CMC2: variants seen among roughly 807,000 people sequenced by gnomAD.
CMC2 encodes COX assembly mitochondrial protein 2 homolog.
A neutral mutation model predicts 7.5 loss-of-function variants in CMC2; 5 were observed. The ratio of observed to expected loss-of-function variants is 0.66; its 90% CI spans 0.35 to 1.40. The LOEUF is 1.40. Among genes scored for constraint, CMC2 ranks in the 40% most tolerant of loss-of-function variants. The pLI is 0.04. For synonymous variants in CMC2, 37 were observed against 31.4 expected (o/e 1.18, Z -0.60); for missense variants, 115 against 92.3 (o/e 1.25, Z -1.01).
chr16:80,987,769 C>G (rs902006470), intron 2 of CMC2, among the ~76,000 whole-genome samples: 2 of 152,192 alleles, frequency 1.3e-5, no homozygotes, highest in African/African-American at 4.8e-5. Flanking sequence ...CATTCCAGCA[C>G]AGACAGGGGT....
chr16:80,991,351 C>T (rs1967975214), intron 2 of CMC2, among the ~76,000 whole-genome samples: 1 of 152,022 alleles, frequency 6.6e-6, no homozygotes, highest in South Asian at 2.1e-4. Flanking sequence ...GCAGAGAAAC[C>T]TAGCCACGTG....
rs182197312 is a variant in CMC2, at chr16:80,966,752, G to A, written c.*9341C>T. 5 of 152,164 alleles carry A rather than the reference G, an allele frequency of 3.3e-5. No homozygotes were observed. In the East Asian group the frequency reaches 9.7e-4, roughly 29 times the overall value. 9.4% of individuals were successfully genotyped at this position (152,164 alleles called of 1,614,324 possible). On this transcript the variant is annotated 3_prime_UTR_variant, in exon 4 of 4. Transcript: ENST00000219400. ...TAAAATCAACTTGACATGTACTCGA[G>A]TTATTTGTTTCAGCTTGTTTTCAAG...
chr16:80,978,565 T>C (rs1409992057), intron 3 of CMC2: 1 of 350,412 alleles, frequency 2.9e-6, no homozygotes, highest in East Asian at 8.9e-5. Context: ...TATTAGTGTT[T>C]CTTTTCAAGA....
At chr16:80,993,726 T>C (rs893111383) in intron 2 of CMC2, among the ~76,000 whole-genome samples, 2 of 152,094 alleles carry the variant, frequency 1.3e-5, no homozygotes, top group African/African-American at 4.8e-5. Context: ...AGCTATGCCC[T>C]AAAAATATGT....
At chr16:80,984,997 C>T (rs1411286111) in intron 2 of CMC2, among the ~76,000 whole-genome samples, 1 of 152,110 alleles carries the variant, frequency 6.6e-6, no homozygotes, top group Non-Finnish European at 1.5e-5. Context: ...CCAAACCAAC[C>T]GAGTAACTGA....
intron 2 of CMC2, among the ~76,000 whole-genome samples, chr16:80,988,325 A>T (rs1057449882): frequency 1.3e-5 from 2 of 152,206 alleles, no homozygotes; most frequent in African/African-American, 4.8e-5. Flanking sequence ...GAGTGACATC[A>T]TAGCTCACTA....
chr16:80,984,282 T>C (rs1229595613), intron 2 of CMC2, among the ~76,000 whole-genome samples: 1 of 151,534 alleles, frequency 6.6e-6, no homozygotes, highest in Non-Finnish European at 1.5e-5. Context: ...ATCTGTTTTA[T>C]AATGACAGGT....
intron 1 of CMC2, among the ~76,000 whole-genome samples, chr16:81,006,027 G>A (rs890961445): frequency 1.3e-5 from 2 of 152,174 alleles, no homozygotes; most frequent in African/African-American, 4.8e-5. Flanking sequence ...ATATAAAGGA[G>A]AGGAGATACG....
intron 1 of CMC2, among the ~76,000 whole-genome samples, chr16:80,999,167 T>C (rs1176398130): frequency 4.6e-5 from 7 of 152,206 alleles, no homozygotes; most frequent in Admixed American, 3.3e-4. Flanking sequence ...ACTGACGATA[T>C]GATTCTATAC....
At chr16:80,996,710 G>A (rs1264103925) in intron 2 of CMC2, among the ~76,000 whole-genome samples, 2 of 152,072 alleles carry the variant, frequency 1.3e-5, no homozygotes, top group Admixed American at 6.5e-5. Flanking sequence ...TTGTAACAAC[G>A]GTGTCATATA....
At chr16:80,992,820 T>G (rs1968112709) in intron 2 of CMC2, among the ~76,000 whole-genome samples, 2 of 151,444 alleles carry the variant, frequency 1.3e-5, no homozygotes, top group Admixed American at 6.6e-5. Flanking sequence ...ACCTTCCAAG[T>G]AGCTAGGACT....
chr16:80,997,454 T>C lies in CMC2; in HGVS notation c.-35-25A>G. ...CCTGTGGATACAAGAGTGTCTTGAA[T>C]ATGCATAAACACATTTGTTACGCCA... is the stretch of plus-strand genomic sequence containing the variant. On this transcript the variant is annotated intron_variant, in intron 1 of 3. Transcript: ENST00000219400. 2.5e-6 allele frequency: 3 copies of C among 1,206,652 alleles called. No homozygotes were observed. In the South Asian group the frequency reaches 3.6e-5, roughly 15 times the overall value. The allele number at this position is 1,206,652 out of a possible 1,614,324, so 74.7% of individuals were successfully genotyped here. A position where few individuals can be genotyped will look rare whatever the true frequency, so the allele number is the denominator to read the frequency against.
intron 1 of CMC2, among the ~76,000 whole-genome samples, chr16:81,006,276 G>A (rs1436373049): frequency 3.9e-5 from 6 of 152,200 alleles, no homozygotes; most frequent in Admixed American, 6.5e-5. Context: ...CACTGCAGCT[G>A]AGACTTGCTT....
rs796792692 is a variant in CMC2, at chr16:81,006,736, G to T, written c.-38C>A. On this transcript the variant is annotated splice_region_variant and 5_prime_UTR_variant, in exon 1 of 4. Transcript: ENST00000219400. Reference sequence around the variant, plus strand: ...CGGCCTGGACTCCCGAGACTCACCCGACTCGTGGCCACACCGGGAGAACTG... The same window carrying T: ...CGGCCTGGACTCCCGAGACTCACCCTACTCGTGGCCACACCGGGAGAACTG... 1.0e-6 allele frequency: 1 copy of T among 985,464 alleles called. No individual in the cohort carries two copies. The highest frequency in any genetic ancestry group is 1.7e-5 in the African/African-American group (1 of 57,224). 61.0% of individuals were successfully genotyped at this position (985,464 alleles called of 1,614,324 possible). A position where few individuals can be genotyped will look rare whatever the true frequency, so the allele number is the denominator to read the frequency against.
intron 2 of CMC2, among the ~76,000 whole-genome samples, chr16:80,991,517 T>C (rs1173476070): frequency 1.3e-5 from 2 of 152,096 alleles, no homozygotes; most frequent in Admixed American, 1.3e-4. Context: ...TGACGTGGCC[T>C]GTAGTCCCAG....
intron 1 of CMC2, among the ~76,000 whole-genome samples, chr16:81,003,960 C>A (rs1301351435): frequency 6.6e-6 from 1 of 152,224 alleles, no homozygotes; most frequent in Non-Finnish European, 1.5e-5. Flanking sequence ...CTGTGGCTCA[C>A]GCCTGTAATC....
intron 2 of CMC2, 30 bp downstream of exon 2, chr16:80,997,284 G>T: frequency 2.5e-6 from 3 of 1,186,354 alleles, no homozygotes; most frequent in Non-Finnish European, 3.8e-6. Flanking sequence ...GTTTCATTTT[G>T]GCTGTACAGT....
chr16:80,978,449 G>C, intron 3 of CMC2: 11 of 1,126,852 alleles, frequency 9.8e-6, no homozygotes, highest in Non-Finnish European at 1.3e-5. Flanking sequence ...TGAATATGAA[G>C]TTACTCACAA....
chr16:80,971,869 AGG>A lies in CMC2; in HGVS notation c.*4222_*4223del, dbSNP rs1250299214. 2 of 152,190 alleles carry A rather than the reference AGG, an allele frequency of 1.3e-5. No individual in the cohort carries two copies. Among genetic ancestry groups the A allele is most frequent in the African/African-American group, 2.4e-5 (1 of 41,416 alleles). 9.4% of individuals were successfully genotyped at this position (152,190 alleles called of 1,614,324 possible). On this transcript the variant is annotated 3_prime_UTR_variant, in exon 4 of 4. Transcript: ENST00000219400. ...AAGAATAGCATTAATACCACAAAAA[AGG>A]TCCTTTACAGGATTTGGGCAATCTT...
Sources: gnomAD v4.1 joint callset for allele counts (sites outside exome capture counted in the v4.1 genomes callset) on GRCh38, gnomAD v4.1.1 for gene constraint, MANE v1.5 for transcripts, NCBI Gene and HGNC (gene_info 2026-07-23, HGNC 2026-07-21) for gene names.